UBE2U: variants seen among roughly 807,000 people sequenced by gnomAD.
The protein encoded by UBE2U is ubiquitin conjugating enzyme E2 U.
A neutral mutation model predicts 41.2 loss-of-function variants in UBE2U; 39 were observed. The observed-to-expected ratio is 0.95, with a 90% CI of 0.73 to 1.24. UBE2U has a LOEUF of 1.24. Among genes scored for constraint, UBE2U ranks in the 50% most tolerant of loss-of-function variants. UBE2U has a pLI of 0.00. For synonymous variants in UBE2U, 107 were observed against 117.8 expected (o/e 0.91, Z 0.60); for missense variants, 336 against 363.1 (o/e 0.93, Z 0.61).
rs1557729161 is a variant in UBE2U, at chr1:64,239,050, AGAAGAAGAAGAAGAAGAG to A, written c.596-2596_596-2579del. On this transcript the variant is annotated intron_variant, in intron 7 of 9. Transcript: ENST00000371077. ...AAGTGAGACCCCCATCTCAAAAAGAAGAAGAAGAAGAAGAAGAGGAAGAGGAAGAGGAAGAGGAAGAGG... is the reference window on the plus strand; with the variant it reads ...AAGTGAGACCCCCATCTCAAAAAGAAGAAGAGGAAGAGGAAGAGGAAGAGG... Among the ~76,000 whole-genome samples the A allele has an allele frequency of 8.2e-3, 403 of 48,892 alleles. 3 individuals carry two copies. Among genetic ancestry groups the A allele is most frequent in the Admixed American group, 0.014 (58 of 4,168 alleles). 32.1% of individuals were successfully genotyped at this position (48,892 alleles called of 152,430 possible).
At chr1:64,241,945 A>G (rs990678373) in intron 8 of UBE2U, among the ~76,000 whole-genome samples, 1 of 152,180 alleles carries the variant, frequency 6.6e-6, no homozygotes, top group African/African-American at 2.4e-5. Context: ...ATTTGCTGCC[A>G]AAGATGGAGA....
At chr1:64,263,204 G>A (rs1645205786) in intron 9 of UBE2U, among the ~76,000 whole-genome samples, 1 of 152,134 alleles carries the variant, frequency 6.6e-6, no homozygotes, top group South Asian at 2.1e-4. Context: ...GAGAGGTTGT[G>A]GTAAATTTGA....
chr1:64,211,041 T>A (rs960420466), intron 4 of UBE2U, among the ~76,000 whole-genome samples: 1 of 152,224 alleles, frequency 6.6e-6, no homozygotes, highest in African/African-American at 2.4e-5. Context: ...AAATTGATAG[T>A]TAAGGCCCCT....
At chr1:64,235,346 A>T (rs1367711254) in intron 7 of UBE2U, among the ~76,000 whole-genome samples, 1 of 152,184 alleles carries the variant, frequency 6.6e-6, no homozygotes, top group African/African-American at 2.4e-5. Context: ...CTTCTAGGGA[A>T]TTGTTATAAG....
chr1:64,237,103 T>A (rs1433560657), intron 7 of UBE2U, among the ~76,000 whole-genome samples: 3 of 152,118 alleles, frequency 2.0e-5, no homozygotes, highest in African/African-American at 7.2e-5. Flanking sequence ...GTCACTTAAC[T>A]GTTTGTACTT....
chr1:64,247,424 C>T (rs949953518), intron 8 of UBE2U, among the ~76,000 whole-genome samples: 9 of 152,026 alleles, frequency 5.9e-5, no homozygotes, highest in African/African-American at 1.4e-4. Context: ...ATATTTGATC[C>T]CAGTGTTGGA....
chr1:64,239,157 A>AAGAAGAAGAAGAAAAGAAGAAGAAGAAG, intron 7 of UBE2U, among the ~76,000 whole-genome samples: 3 of 37,064 alleles, frequency 8.1e-5, no homozygotes, highest in Non-Finnish European at 1.8e-4. Context: ...GAAGAAGAAG[A>AAGAAGAAGAAGAAAAGAAGAAGAAGAAG]AAGAAGAAGA....
At chr1:64,218,088 C>T (rs775696125) in intron 5 of UBE2U, among the ~76,000 whole-genome samples, 40 of 152,174 alleles carry the variant, frequency 2.6e-4, no homozygotes, top group African/African-American at 2.6e-4. Flanking sequence ...TGTAAGTATA[C>T]CCCTTCCCCT....
At chr1:64,250,337 T>C (rs1485000176) in intron 8 of UBE2U, among the ~76,000 whole-genome samples, 2 of 152,176 alleles carry the variant, frequency 1.3e-5, no homozygotes, top group Non-Finnish European at 2.9e-5. Context: ...AATTTATAGT[T>C]AAAAGCCTTC....
chr1:64,232,293 T>G (rs1002399940), intron 6 of UBE2U, among the ~76,000 whole-genome samples: 16 of 152,238 alleles, frequency 1.1e-4, no homozygotes, highest in Non-Finnish European at 1.5e-5. Flanking sequence ...GTCTTAAACC[T>G]GTATTTTTCT....
rs1322213288 is a variant in UBE2U, at chr1:64,214,745, T to C, written c.340-70T>C. On this transcript the variant is annotated intron_variant, in intron 4 of 9. Coordinates refer to ENST00000371077, the MANE Select transcript of UBE2U (RefSeq NM_001366232.2). ...ATACATGCTTATTGAAAGTTGTATA[T>C]ATTGGTTTGTCGTTTTGCTCTAAAA... The C allele has an allele frequency of 2.0e-5, 22 of 1,123,148 alleles. No homozygotes were observed. The South Asian group carries it at 2.3e-4, about 12-fold the overall frequency. 69.6% of individuals were successfully genotyped at this position (1,123,148 alleles called of 1,614,324 possible). A position where few individuals can be genotyped will look rare whatever the true frequency, so the allele number is the denominator to read the frequency against.
intron 9 of UBE2U, among the ~76,000 whole-genome samples, chr1:64,263,352 G>T (rs530906953): frequency 6.6e-6 from 1 of 152,128 alleles, no homozygotes; most frequent in South Asian, 2.1e-4. Flanking sequence ...CCAGGGTTTG[G>T]AAAGGGTTTG....
intron 3 of UBE2U, 138 bp from the exon 4 acceptor site, chr1:64,210,604 C>A: frequency 1.9e-6 from 1 of 528,842 alleles, no homozygotes; most frequent in Non-Finnish European, 3.1e-6. Flanking sequence ...GGGTATAGTG[C>A]TTCTCAGTAC....
intron 8 of UBE2U, among the ~76,000 whole-genome samples, chr1:64,247,456 T>C (rs750625626): frequency 1.3e-5 from 2 of 152,106 alleles, no homozygotes; most frequent in Non-Finnish European, 2.9e-5. Context: ...GTTTGGGTCA[T>C]GGGGGCAGAT....
At chr1:64,219,752 C>A (rs1357699378) in intron 5 of UBE2U, among the ~76,000 whole-genome samples, 1 of 152,006 alleles carries the variant, frequency 6.6e-6, no homozygotes, top group Non-Finnish European at 1.5e-5. Flanking sequence ...CCCGCCACCA[C>A]ACCTGGCTAA....
chr1:64,235,804 A>G (rs958831529), intron 7 of UBE2U, among the ~76,000 whole-genome samples: 5 of 152,126 alleles, frequency 3.3e-5, no homozygotes, highest in Admixed American at 2.6e-4. Flanking sequence ...GTATGCTCCT[A>G]TATATTTTTA....
At chr1:64,257,929 T>G (rs1645120995) in intron 8 of UBE2U, among the ~76,000 whole-genome samples, 1 of 151,864 alleles carries the variant, frequency 6.6e-6, no homozygotes, top group Admixed American at 6.6e-5. Context: ...AAAAAAACTC[T>G]CAGTAAATTA....
At position 64,228,296 on chromosome 1, in the gene UBE2U, C is replaced by G. The variant is rs543756631; in HGVS notation, c.507-4265C>G. ...ATTTAGAGCCAGAGGTGTGGTCAGT[C>G]CCATCAGAGTGTATGGTATCTACAT... On this transcript the variant is annotated intron_variant, in intron 6 of 9. Transcript: ENST00000371077. Among the ~76,000 whole-genome samples the G allele has an allele frequency of 3.3e-5, 5 of 152,252 alleles. No individual in the cohort carries two copies. In the South Asian group the frequency reaches 8.3e-4, roughly 25 times the overall value.
At chr1:64,243,878 T>G (rs79588234) in intron 8 of UBE2U, among the ~76,000 whole-genome samples, 1 of 152,122 alleles carries the variant, frequency 6.6e-6, no homozygotes. Flanking sequence ...CCAGACTGTC[T>G]GGATTTGAAT....
Sources: allele counts gnomAD v4.1 joint callset (sites outside exome capture counted in the v4.1 genomes callset), GRCh38; gene constraint gnomAD v4.1.1; transcripts MANE v1.5; gene names NCBI Gene and HGNC (gene_info 2026-07-23, HGNC 2026-07-21).